The following MECOM variants were observed in gnomAD, a reference collection of about 807,000 sequenced individuals.
The protein encoded by MECOM is MDS1 and EVI1 complex locus, also known as histone-lysine N-methyltransferase MECOM.
MECOM carries 13 observed loss-of-function variants against 116.3 expected under a neutral mutation model. That is an observed-to-expected ratio of 0.11 (90% CI 0.07 to 0.18). MECOM has a LOEUF of 0.18. MECOM is among the 10% of genes least tolerant of loss of function. MECOM has a pLI of 1.00. For synonymous variants in MECOM, 528 were observed against 535.2 expected, an observed-to-expected ratio of 0.99 and a Z score of 0.19; for missense variants, 1,299 against 1,509.0, an observed-to-expected ratio of 0.86 and a Z score of 2.31.
chr3:169,444,831 G>C (rs558747506), intron 1 of MECOM, among the ~76,000 whole-genome samples: 1 of 152,280 alleles, frequency 6.6e-6, no homozygotes, highest in African/African-American at 2.4e-5. Context: ...GATATGAACA[G>C]TAAGATCCAG....
At chr3:169,630,911 A>G (rs1377726247) in intron 1 of MECOM, among the ~76,000 whole-genome samples, 1 of 152,184 alleles carries the variant, frequency 6.6e-6, no homozygotes, top group Non-Finnish European at 1.5e-5. Context: ...GGCGTGAGCC[A>G]CTCTGCCCAG....
chr3:169,246,955 G>C (rs1237342812), intron 2 of MECOM, among the ~76,000 whole-genome samples: 2 of 152,130 alleles, frequency 1.3e-5, no homozygotes, highest in African/African-American at 4.8e-5. Context: ...CAGGGCCTAT[G>C]AATAATATTA....
At chr3:169,156,595 T>C (rs1424080927) in intron 2 of MECOM, among the ~76,000 whole-genome samples, 1 of 152,198 alleles carries the variant, frequency 6.6e-6, no homozygotes, top group Non-Finnish European at 1.5e-5. Flanking sequence ...CAATCGATCC[T>C]TTGCCTGTAA....
chr3:169,594,069 C>T (rs371115041), intron 1 of MECOM, among the ~76,000 whole-genome samples: 24 of 146,106 alleles, frequency 1.6e-4, no homozygotes, highest in African/African-American at 5.8e-4. Flanking sequence ...TGCAGTGAGC[C>T]GAGATTGCAC....
intron 2 of MECOM, among the ~76,000 whole-genome samples, chr3:169,181,342 G>T (rs1257117434): frequency 6.6e-6 from 1 of 152,116 alleles, no homozygotes; most frequent in Non-Finnish European, 1.5e-5. Context: ...GCTATTTAGT[G>T]CCATTAACCA....
chr3:169,366,637 A>G lies in MECOM; in HGVS notation c.375+14550T>C, dbSNP rs1008852300. ...TTTGAGGGCAGCTGGCCTCTGTGCC[A>G]GGGTGGAGATTCTATGCTGGCATCA... On this transcript the variant is annotated intron_variant, in intron 2 of 16. Transcript: ENST00000651503. Among the ~76,000 whole-genome samples the G allele has an allele frequency of 3.9e-5, 6 of 152,032 alleles. No individual in the cohort carries two copies. In the South Asian group the frequency reaches 1.2e-3, roughly 31 times the overall value.
At chr3:169,228,847 G>T (rs1753049393) in intron 2 of MECOM, among the ~76,000 whole-genome samples, 2 of 152,102 alleles carry the variant, frequency 1.3e-5, no homozygotes, top group South Asian at 2.1e-4. Flanking sequence ...AAAGTTTAAG[G>T]CTTTTTATGC....
At chr3:169,193,273 T>C (rs1228760839) in intron 2 of MECOM, among the ~76,000 whole-genome samples, 1 of 152,010 alleles carries the variant, frequency 6.6e-6, no homozygotes, top group Non-Finnish European at 1.5e-5. Context: ...GACTGTGATA[T>C]AATTACCCAC....
intron 1 of MECOM, among the ~76,000 whole-genome samples, chr3:169,629,704 G>A (rs1771844635): frequency 6.6e-6 from 1 of 152,174 alleles, no homozygotes; most frequent in South Asian, 2.1e-4. Flanking sequence ...AAGATTCCAA[G>A]CTCACTGCCT....
intron 1 of MECOM, among the ~76,000 whole-genome samples, chr3:169,564,681 T>A (rs1042136543): frequency 1.3e-5 from 2 of 152,236 alleles, no homozygotes; most frequent in Admixed American, 1.3e-4. Flanking sequence ...GTTTGAAATA[T>A]CAAATTTAAT....
Position 169,594,414 on chromosome 3 carries a change from G to A in MECOM, c.37+68922C>T, listed in dbSNP as rs549105241. 3.6e-4 allele frequency among the ~76,000 whole-genome samples: 55 copies of A among 152,092 alleles called. 1 individual carries two copies. Among genetic ancestry groups the A allele is most frequent in the African/African-American group, 1.3e-3 (54 of 41,504 alleles). On this transcript the variant is annotated intron_variant, in intron 1 of 16. Coordinates refer to ENST00000651503, the MANE Select transcript of MECOM (RefSeq NM_004991.4). ...CCCTCACAATGTAGTCCCTGGACTA[G>A]CAGTATCAGCATCACCTAGAAAGTC...
chr3:169,517,988 T>G (rs546955363), intron 1 of MECOM, among the ~76,000 whole-genome samples: 17 of 152,256 alleles, frequency 1.1e-4, no homozygotes, highest in African/African-American at 2.4e-4. Context: ...GGCCGGGCGC[T>G]ATGGCTCACG....
chr3:169,319,096 TAAA>T (rs751122351), intron 2 of MECOM, among the ~76,000 whole-genome samples: 3 of 114,548 alleles, frequency 2.6e-5, no homozygotes, highest in Admixed American at 9.3e-5. Flanking sequence ...AGACTCTGTC[TAAA>T]AAAAAAAAAA....
chr3:169,131,426 A>C lies in MECOM; in HGVS notation c.613+3T>G, dbSNP rs747002030. On this transcript the variant is annotated splice_donor_region_variant and intron_variant, in intron 4 of 16. Coordinates refer to ENST00000651503, the MANE Select transcript of MECOM (RefSeq NM_004991.4). ...TAAGGAGGGTGGCGTGAGTGGTACTAACCGTGGATATCCGGCGCCATAGTT... is the reference window on the plus strand; with the variant it reads ...TAAGGAGGGTGGCGTGAGTGGTACTCACCGTGGATATCCGGCGCCATAGTT... 9.2e-5 allele frequency: 149 copies of C among 1,612,948 alleles called. No homozygotes were observed. Among genetic ancestry groups the C allele is most frequent in the Admixed American group, 1.2e-4 (7 of 59,926 alleles).
chr3:169,599,934 G>A (rs545534183), intron 1 of MECOM, among the ~76,000 whole-genome samples: 6 of 152,186 alleles, frequency 3.9e-5, no homozygotes, highest in Admixed American at 6.5e-5. Flanking sequence ...GAAGATTTAT[G>A]TATGGATATA....
intron 2 of MECOM, among the ~76,000 whole-genome samples, chr3:169,245,643 G>A (rs1001492075): frequency 5.3e-5 from 8 of 152,144 alleles, no homozygotes; most frequent in Non-Finnish European, 1.0e-4. Flanking sequence ...AGAGGTCTTA[G>A]GAGAGAATGT....
In MECOM at chr3:169,125,489, G is replaced by A. The variant is rs1040276330; in HGVS notation, c.830+2355C>T. Among the ~76,000 whole-genome samples the A allele has an allele frequency of 2.0e-5, 3 of 152,012 alleles. No homozygotes were observed. In the South Asian group the frequency reaches 6.2e-4, roughly 31 times the overall value. On this transcript the variant is annotated intron_variant, in intron 5 of 16. Transcript: ENST00000651503. Reference sequence around the variant, plus strand: ...TTCCTCCCCCTAATTCCAAGGATATGGTTTAATTTTAAGAGTATATTATGA... The same window carrying A: ...TTCCTCCCCCTAATTCCAAGGATATAGTTTAATTTTAAGAGTATATTATGA...
intron 2 of MECOM, among the ~76,000 whole-genome samples, chr3:169,199,844 A>C (rs1825886): frequency 0.69 from 104,478 of 151,890 alleles, 36,038 homozygotes; most frequent in South Asian, 0.75. Flanking sequence ...CTGTATATTT[A>C]CATGTTTTCA....
At chr3:169,650,418 C>A (rs990549083) in intron 1 of MECOM, among the ~76,000 whole-genome samples, 1 of 151,962 alleles carries the variant, frequency 6.6e-6, no homozygotes, top group Non-Finnish European at 1.5e-5. Context: ...AACAAAAAAG[C>A]CTTGAGGCCT....
Sources: allele counts gnomAD v4.1 joint callset (sites outside exome capture counted in the v4.1 genomes callset), GRCh38; gene constraint gnomAD v4.1.1; transcripts MANE v1.5; gene names NCBI Gene and HGNC (gene_info 2026-07-23, HGNC 2026-07-21).